UQCC1: variants seen among roughly 807,000 people sequenced by gnomAD.
The protein encoded by UQCC1 is ubiquinol-cytochrome c reductase complex assembly factor 1.
Under a neutral mutation model 48.0 loss-of-function variants are expected in UQCC1, and 38 were observed. That is an observed-to-expected ratio of 0.79 (90% CI 0.61 to 1.04). UQCC1 has a LOEUF of 1.04. Ranked by LOEUF, UQCC1 falls within the 50% of genes least tolerant of loss-of-function variation. The probability of loss-of-function intolerance (pLI) is 0.00; values close to 1 mark genes in which losing one functional copy is unlikely to be tolerated. For synonymous variants in UQCC1, 111 were observed against 129.2 expected, an observed-to-expected ratio of 0.86 and a Z score of 0.95; for missense variants, 368 against 381.8, an observed-to-expected ratio of 0.96 and a Z score of 0.30.
At chr20:35,401,632 AAATC>A (rs1346202596) in intron 1 of UQCC1, among the ~76,000 whole-genome samples, 1 of 151,912 alleles carries the variant, frequency 6.6e-6, no homozygotes, top group Admixed American at 6.6e-5. Context: ...TGAATAACGA[AAATC>A]AATTATAAAC....
chr20:35,322,967 C>T (rs2061147869), intron 7 of UQCC1, among the ~76,000 whole-genome samples: 1 of 151,832 alleles, frequency 6.6e-6, no homozygotes. Context: ...CCTGCCTCAG[C>T]CTCCTGAGTA....
At chr20:35,324,529 T>TAA (rs1339486443) in intron 7 of UQCC1, among the ~76,000 whole-genome samples, 13 of 152,184 alleles carry the variant, frequency 8.5e-5, no homozygotes, top group Non-Finnish European at 5.9e-5. Flanking sequence ...GGTTTCACCG[T>TAA]GTTAGCCAGG....
At chr20:35,370,824 CT>C in intron 5 of UQCC1, among the ~76,000 whole-genome samples, 1 of 152,178 alleles carries the variant, frequency 6.6e-6, no homozygotes, top group African/African-American at 2.4e-5. Context: ...ATTACATTTT[CT>C]AATTTGCAAT....
rs552809002 is a variant in UQCC1 at position 35,407,232 on chromosome 20, A to G, written c.24+4708T>C. On this transcript the variant is annotated intron_variant, in intron 1 of 9. Coordinates refer to ENST00000374385, the MANE Select transcript of UQCC1 (RefSeq NM_018244.5). ...CACTTGAGGCCAGGAGTTTGAGACC[A>G]GCCTGGCCAACATGGGAAAACCCCC... Among the ~76,000 whole-genome samples the G allele has an allele frequency of 2.0e-5, 3 of 152,248 alleles. No homozygotes were observed. The East Asian group carries it at 5.8e-4, about 29-fold the overall frequency.
At position 35,304,011 on chromosome 20, in the gene UQCC1, C is replaced by G. The variant is rs1189307840; in HGVS notation, c.824G>C (p.Trp275Ser). The G allele has an allele frequency of 1.2e-6, 2 of 1,614,170 alleles. No individual in the cohort carries two copies. Among genetic ancestry groups the G allele is most frequent in the East Asian group, 4.5e-5 (2 of 44,872 alleles). ...EDLLLTGEVS[W>S]RPLVEKNPQS... ...AGGATTCTTCTCCACTAGAGGGCGC[C>G]AGCTCACCTCCCCTGTCAGAAGCAG... Residue 275 changes from tryptophan (W) to serine (S), a missense_variant, in exon 10 of 10, where the codon TGG becomes TCG. Coordinates refer to ENST00000374385, the MANE Select transcript of UQCC1 (RefSeq NM_018244.5).
At chr20:35,393,950 T>C in intron 2 of UQCC1, 142 bp downstream of exon 2, 1 of 702,060 alleles carries the variant, frequency 1.4e-6, no homozygotes, top group Non-Finnish European at 2.5e-6. Flanking sequence ...TAGGAATCAG[T>C]CCTAAGTTGG....
intron 3 of UQCC1, among the ~76,000 whole-genome samples, chr20:35,383,523 C>T (rs1194743719): frequency 6.6e-6 from 1 of 151,980 alleles, no homozygotes; most frequent in East Asian, 1.9e-4. Context: ...AGTAGTGAGC[C>T]ATGATCATGC....
At chr20:35,384,589 C>T in intron 2 of UQCC1, 1 of 441,328 alleles carries the variant, frequency 2.3e-6, no homozygotes. Context: ...CTGCAGGGAG[C>T]TATCATCACA....
At chr20:35,405,958 G>T (rs1209214397) in intron 1 of UQCC1, among the ~76,000 whole-genome samples, 1 of 152,142 alleles carries the variant, frequency 6.6e-6, no homozygotes, top group Admixed American at 6.6e-5. Flanking sequence ...CTGAACAGCA[G>T]ATTTGAACAG....
chr20:35,408,578 C>T (rs1379790534), intron 1 of UQCC1, among the ~76,000 whole-genome samples: 1 of 151,966 alleles, frequency 6.6e-6, no homozygotes, highest in African/African-American at 2.4e-5. Flanking sequence ...ACAGGCTGGA[C>T]ATAGTGGCTC....
At chr20:35,323,125 G>A (rs2061150628) in intron 7 of UQCC1, among the ~76,000 whole-genome samples, 1 of 152,310 alleles carries the variant, frequency 6.6e-6, no homozygotes, top group Non-Finnish European at 1.5e-5. Context: ...GGGATTGCAG[G>A]CGTGAGCCAC....
At chr20:35,341,569 C>T (rs934456984) in intron 7 of UQCC1, among the ~76,000 whole-genome samples, 6 of 152,246 alleles carry the variant, frequency 3.9e-5, no homozygotes, top group East Asian at 3.9e-4. Context: ...GACAGATGTA[C>T]GTGATCCTGC....
intron 5 of UQCC1, among the ~76,000 whole-genome samples, chr20:35,370,776 C>T (rs1227902286): frequency 6.6e-6 from 1 of 152,152 alleles, no homozygotes; most frequent in Non-Finnish European, 1.5e-5. Context: ...AGGTAGTTTG[C>T]ATTTAAATAT....
At chr20:35,401,630 GA>G (rs2146534138) in intron 1 of UQCC1, among the ~76,000 whole-genome samples, 1 of 146,710 alleles carries the variant, frequency 6.8e-6, no homozygotes, top group South Asian at 2.2e-4. Context: ...TGTGAATAAC[GA>G]AAATCAATTA....
chr20:35,394,012 G>A, intron 2 of UQCC1, 80 bp downstream of exon 2: 2 of 1,387,854 alleles, frequency 1.4e-6, no homozygotes, highest in Non-Finnish European at 2.0e-6. Context: ...ACACAATTTG[G>A]TTGGCTAATC....
intron 7 of UQCC1, among the ~76,000 whole-genome samples, chr20:35,337,544 A>C (rs2061328549): frequency 6.6e-6 from 1 of 152,152 alleles, no homozygotes; most frequent in African/African-American, 2.4e-5. Flanking sequence ...TCTGGGGACC[A>C]CACTTTTAGA....
At chr20:35,362,492 G>T (rs568259709) in intron 6 of UQCC1, among the ~76,000 whole-genome samples, 51 of 152,240 alleles carry the variant, frequency 3.3e-4, no homozygotes, top group African/African-American at 1.2e-3. Context: ...GAGTAGCTGG[G>T]ACTACAGGTG....
intron 6 of UQCC1, among the ~76,000 whole-genome samples, chr20:35,362,769 A>G (rs145496149): frequency 9.7e-4 from 148 of 152,278 alleles, no homozygotes; most frequent in African/African-American, 3.4e-3. Flanking sequence ...TGAGAAGGCC[A>G]ATGGAATGGG....
chr20:35,351,695 T>C (rs1481227785), intron 6 of UQCC1, among the ~76,000 whole-genome samples: 1 of 152,226 alleles, frequency 6.6e-6, no homozygotes, highest in Non-Finnish European at 1.5e-5. Context: ...ACACCTGCCC[T>C]CTGAGGTTTA....
Sources: gnomAD v4.1 joint callset for allele counts (sites outside exome capture counted in the v4.1 genomes callset) on GRCh38, gnomAD v4.1.1 for gene constraint, MANE v1.5 for transcripts, NCBI Gene and HGNC (gene_info 2026-07-23, HGNC 2026-07-21) for gene names.